The following HDAC8 variants were observed in gnomAD, a reference collection of about 807,000 sequenced individuals.
The protein encoded by HDAC8 is histone deacetylase 8, also known as histone deacetylase-like 1.
A neutral mutation model predicts 32.2 loss-of-function variants in HDAC8; 1 was observed. The observed-to-expected ratio is 0.03, with a 90% CI of 0.01 to 0.15. HDAC8 has a LOEUF of 0.15. Ranked by LOEUF, HDAC8 falls within the 10% of genes least tolerant of loss-of-function variation. The probability of loss-of-function intolerance (pLI) is 1.00; values close to 1 mark genes in which losing one functional copy is unlikely to be tolerated. For synonymous variants in HDAC8, 108 were observed against 113.9 expected, an observed-to-expected ratio of 0.95 and a Z score of 0.33; for missense variants, 117 against 300.0, an observed-to-expected ratio of 0.39 and a Z score of 4.51.
At chrX:72,527,074 C>CTTTA (rs1335776714) in intron 4 of HDAC8, among the ~76,000 whole-genome samples, 1 of 111,663 alleles carries the variant, frequency 9.0e-6, no homozygotes, top group African/African-American at 3.3e-5. Flanking sequence ...AGTCCAAACA[C>CTTTA]TTTAGTATGT....
chrX:72,441,014 G>T lies in HDAC8; in HGVS notation c.1005+20990C>A, dbSNP rs953744210. Among the ~76,000 whole-genome samples the T allele has an allele frequency of 1.1e-4, 12 of 113,260 alleles. No homozygotes were observed. The South Asian group carries it at 4.3e-3, about 41-fold the overall frequency. ...CCCGCCATTGCCCAGGCTTGCTTAG[G>T]TAAACAAAGCAGTCGGGAAGCTCGA... On this transcript the variant is annotated intron_variant, in intron 9 of 10. Coordinates refer to ENST00000373573, the MANE Select transcript of HDAC8 (RefSeq NM_018486.3).
In HDAC8 at chrX:72,568,657, A is replaced by G. The variant is rs1429018332; in HGVS notation, c.295+97T>C. 48 of 999,710 alleles carry G rather than the reference A, an allele frequency of 4.8e-5. No individual in the cohort carries two copies. In the East Asian group the frequency reaches 1.5e-3, roughly 31 times the overall value. The allele number at this position is 999,710 out of a possible 1,213,427, so 82.4% of individuals were successfully genotyped here. On this transcript the variant is annotated intron_variant, in intron 3 of 10. Transcript: ENST00000373573. ...ACCAAAAGATTAAGATTGACAGTTA[A>G]CACATGATTTCTTAACGAAAAATAT...
chrX:72,497,749 A>T (rs782616573), intron 4 of HDAC8, among the ~76,000 whole-genome samples: 1 of 112,199 alleles, frequency 8.9e-6, no homozygotes, highest in African/African-American at 3.2e-5. Context: ...GTTTTGCAGT[A>T]TATCAACTTG....
At chrX:72,398,140 A>G (rs1200373987) in intron 9 of HDAC8, among the ~76,000 whole-genome samples, 3 of 111,563 alleles carry the variant, frequency 2.7e-5, no homozygotes, top group African/African-American at 9.8e-5. Context: ...TTTTTTTCCA[A>G]TCTGGTGGAT....
chrX:72,435,733 T>C (rs1332170294), intron 9 of HDAC8, among the ~76,000 whole-genome samples: 2 of 111,594 alleles, frequency 1.8e-5, no homozygotes, highest in African/African-American at 6.5e-5. Context: ...GTTGGGAGGC[T>C]GAGGCAGGCA....
chrX:72,448,277 G>A (rs1555985963), intron 9 of HDAC8, among the ~76,000 whole-genome samples: 2 of 111,295 alleles, frequency 1.8e-5, no homozygotes. Flanking sequence ...CAGAAATAAT[G>A]CTGCATATCT....
chrX:72,402,429 TAAG>T (rs1569271184), intron 9 of HDAC8, among the ~76,000 whole-genome samples: 17 of 102,774 alleles, frequency 1.7e-4, no homozygotes, highest in African/African-American at 5.3e-4. Flanking sequence ...TTTTTTTTTT[TAAG>T]TTTCTTAAAG....
Position 72,329,787 on chromosome X carries a change from T to C in HDAC8, c.*267A>G. On this transcript the variant is annotated 3_prime_UTR_variant, in exon 11 of 11. Transcript: ENST00000373573. ...AAAATAATTTTCAAAGATTAAAAAT[T>C]TCATTTGTGTGTGTGTGTTTTTTTA... The C allele has an allele frequency of 9.1e-7, 1 of 1,100,583 alleles. No homozygotes were observed. Among genetic ancestry groups the C allele is most frequent in the Non-Finnish European group, 1.2e-6 (1 of 815,500 alleles). 90.7% of individuals were successfully genotyped at this position (1,100,583 alleles called of 1,213,427 possible). A position where few individuals can be genotyped will look rare whatever the true frequency, so the allele number is the denominator to read the frequency against.
At chrX:72,482,929 G>A (rs781983943) in intron 7 of HDAC8, among the ~76,000 whole-genome samples, 1 of 111,852 alleles carries the variant, frequency 8.9e-6, no homozygotes, top group African/African-American at 3.2e-5. Flanking sequence ...GGGATCAAAT[G>A]AAGCAATGTA....
intron 9 of HDAC8, among the ~76,000 whole-genome samples, chrX:72,440,392 C>T (rs1205127011): frequency 1.8e-5 from 2 of 111,244 alleles, no homozygotes; most frequent in Non-Finnish European, 3.8e-5. Context: ...AAAATCGACA[C>T]CCTAACATCA....
intron 6 of HDAC8, among the ~76,000 whole-genome samples, chrX:72,490,618 G>A (rs2048837907): frequency 1.4e-5 from 1 of 72,749 alleles, no homozygotes; most frequent in Non-Finnish European, 2.5e-5. Context: ...TGGGGGGAGG[G>A]GGGAGGGATA....
At chrX:72,488,171 C>A (rs1212771369) in intron 7 of HDAC8, among the ~76,000 whole-genome samples, 2 of 111,461 alleles carry the variant, frequency 1.8e-5, no homozygotes, top group Non-Finnish European at 3.8e-5. Flanking sequence ...TGGGAAGAAC[C>A]TCCACCAGAG....
At chrX:72,367,578 A>G (rs1270160979) in intron 9 of HDAC8, among the ~76,000 whole-genome samples, 1 of 112,504 alleles carries the variant, frequency 8.9e-6, no homozygotes, top group Non-Finnish European at 1.9e-5. Flanking sequence ...AAGGCTCTAG[A>G]TGTGGCTAAT....
At chrX:72,400,447 T>C (rs1465063635) in intron 9 of HDAC8, among the ~76,000 whole-genome samples, 1 of 111,882 alleles carries the variant, frequency 8.9e-6, no homozygotes, top group Admixed American at 9.5e-5. Context: ...GCTCACGCCA[T>C]CATTCCAGTT....
Position 72,491,014 on chromosome X carries a change from A to G in HDAC8, c.551-8T>C. On this transcript the variant is annotated splice_polypyrimidine_tract_variant and splice_region_variant and intron_variant, in intron 5 of 10. Coordinates refer to ENST00000373573, the MANE Select transcript of HDAC8 (RefSeq NM_018486.3). ...TGAATGCGTCTTCTACACCTAACAG[A>G]TAAAGAAACATCAAAAGAATCACTT... 2.7e-6 allele frequency: 3 copies of G among 1,125,483 alleles called. No individual in the cohort carries two copies. The highest frequency in any genetic ancestry group is 3.7e-6 in the Non-Finnish European group (3 of 818,570). 92.8% of individuals were successfully genotyped at this position (1,125,483 alleles called of 1,213,427 possible).
intron 10 of HDAC8, among the ~76,000 whole-genome samples, chrX:72,333,451 G>T (rs1555941298): frequency 8.9e-6 from 1 of 111,872 alleles, no homozygotes; most frequent in Non-Finnish European, 1.9e-5. Context: ...CGCTCTGGGA[G>T]GCTGAGGTGG....
intron 9 of HDAC8, among the ~76,000 whole-genome samples, chrX:72,452,883 G>A (rs782491452): frequency 9.0e-6 from 1 of 111,230 alleles, no homozygotes; most frequent in South Asian, 3.8e-4. Flanking sequence ...AGAAATGATG[G>A]AGTTAGTAGA....
At chrX:72,515,694 C>T (rs1248222040) in intron 4 of HDAC8, among the ~76,000 whole-genome samples, 1 of 110,678 alleles carries the variant, frequency 9.0e-6, no homozygotes, top group South Asian at 3.9e-4. Context: ...AAAGATAACA[C>T]ACAGGAATGT....
At chrX:72,548,954 ACCCCCC>A (rs782390723) in intron 4 of HDAC8, among the ~76,000 whole-genome samples, 1 of 110,079 alleles carries the variant, frequency 9.1e-6, no homozygotes, top group Non-Finnish European at 1.9e-5. Flanking sequence ...TTCCTAATTG[ACCCCCC>A]CATAACATTT....
Sources: gnomAD v4.1 joint callset for allele counts (sites outside exome capture counted in the v4.1 genomes callset) on GRCh38, gnomAD v4.1.1 for gene constraint, MANE v1.5 for transcripts, NCBI Gene and HGNC (gene_info 2026-07-23, HGNC 2026-07-21) for gene names.